Variants in A1CF observed in about 807,000 individuals in gnomAD.
A1CF encodes APOBEC1 complementation factor.
In A1CF, 48 loss-of-function variants were observed where a neutral mutation model predicts 68.9. The observed-to-expected ratio is 0.70, with a 90% CI of 0.55 to 0.89. The LOEUF is 0.89. A1CF is among the 40% of genes least tolerant of loss of function. A1CF has a pLI of 0.00. For synonymous variants in A1CF, 272 were observed against 260.4 expected (o/e 1.04, Z -0.43); for missense variants, 653 against 718.9 (o/e 0.91, Z 1.05).
chr10:50,846,417 G>T (rs1840003817), intron 3 of A1CF, among the ~76,000 whole-genome samples: 2 of 152,038 alleles, frequency 1.3e-5, no homozygotes. Context: ...CCTTCTCCCT[G>T]GGCAAACTCT....
chr10:50,824,813 A>C (rs1838842768), intron 7 of A1CF, among the ~76,000 whole-genome samples: 1 of 152,184 alleles, frequency 6.6e-6, no homozygotes, highest in Non-Finnish European at 1.5e-5. Context: ...CAAACTACTT[A>C]ACTACTCTGG....
At chr10:50,840,446 A>G (rs923260883) in intron 5 of A1CF, among the ~76,000 whole-genome samples, 2 of 152,224 alleles carry the variant, frequency 1.3e-5, no homozygotes. Context: ...CAAATGAAGC[A>G]TGGCTGACTC....
At chr10:50,844,861 C>T (rs1839928900) in intron 3 of A1CF, among the ~76,000 whole-genome samples, 1 of 152,072 alleles carries the variant, frequency 6.6e-6, no homozygotes, top group Admixed American at 6.6e-5. Flanking sequence ...AAATACACTG[C>T]TTTGTATGAC....
chr10:50,871,347 TA>T (rs917635760), intron 1 of A1CF, among the ~76,000 whole-genome samples: 3 of 151,854 alleles, frequency 2.0e-5, no homozygotes, highest in East Asian at 1.9e-4. Context: ...AAAACCTATA[TA>T]AAAAAATGAT....
chr10:50,822,627 C>G (rs986851590), intron 7 of A1CF: 2 of 152,130 alleles, frequency 1.3e-5, no homozygotes, highest in African/African-American at 4.8e-5. Context: ...CTTCTTATGG[C>G]AATGGTTATA....
At position 50,799,954 on chromosome 10, in the gene A1CF, A is replaced by G. The variant is rs1237568256; in HGVS notation, c.*6775T>C. 8.5e-5 allele frequency: 13 copies of G among 152,164 alleles called. No individual in the cohort carries two copies. Among genetic ancestry groups the G allele is most frequent in the Non-Finnish European group, 1.5e-5 (1 of 67,990 alleles). 9.4% of individuals were successfully genotyped at this position (152,164 alleles called of 1,614,324 possible). Reference sequence around the variant, plus strand: ...CAGTGATAATGATGAATTGATTTAAATAGATTTATCTGTAGTCTGTGTGCC... The same window carrying G: ...CAGTGATAATGATGAATTGATTTAAGTAGATTTATCTGTAGTCTGTGTGCC... On this transcript the variant is annotated 3_prime_UTR_variant, in exon 13 of 13. Coordinates refer to ENST00000373997, the MANE Select transcript of A1CF (RefSeq NM_014576.4).
chr10:50,815,819 C>T (rs2132335878), intron 9 of A1CF, among the ~76,000 whole-genome samples, 187 bp downstream of exon 9: 1 of 152,234 alleles, frequency 6.6e-6, no homozygotes, highest in Non-Finnish European at 1.5e-5. Flanking sequence ...GACGTTTTTT[C>T]AATAACCAGT....
In A1CF at chr10:50,820,750, T is replaced by A. The variant is rs565622119; in HGVS notation, c.770-101A>T. On this transcript the variant is annotated intron_variant, in intron 7 of 12. Coordinates refer to ENST00000373997, the MANE Select transcript of A1CF (RefSeq NM_014576.4). ...TGCAAAGAGTATTTGATTTTTTTTA[T>A]GGATACCTCATATTTAAGTAAGGAT... 8.4e-6 allele frequency: 7 copies of A among 834,768 alleles called. No homozygotes were observed. In the South Asian group the frequency reaches 1.4e-4, roughly 17 times the overall value. 51.7% of individuals were successfully genotyped at this position (834,768 alleles called of 1,614,324 possible).
chr10:50,820,443 T>C (rs940989581), intron 8 of A1CF, 109 bp downstream of exon 8: 8 of 821,040 alleles, frequency 9.7e-6, no homozygotes, highest in Non-Finnish European at 1.5e-5. Context: ...GAGGCAGCCA[T>C]GTCAGAGAAG....
Position 50,806,668 on chromosome 10 carries a change from A to AT in A1CF, c.*60dup. ...TCATTGGGGACCGAGTTAGAGGTTT[A>AT]TTTCTTTTTTTTTTTTAATAGAGTT... is the stretch of plus-strand genomic sequence containing the variant. On this transcript the variant is annotated 3_prime_UTR_variant, in exon 13 of 13. Transcript: ENST00000373997. 7.1e-7 allele frequency: 1 copy of AT among 1,416,464 alleles called. No individual in the cohort carries two copies. Among genetic ancestry groups the AT allele is most frequent in the Non-Finnish European group, 9.5e-7 (1 of 1,050,750 alleles). The allele number at this position is 1,416,464 out of a possible 1,614,324, so 87.7% of individuals were successfully genotyped here.
chr10:50,867,563 G>A (rs1841050904), intron 1 of A1CF, among the ~76,000 whole-genome samples: 1 of 152,120 alleles, frequency 6.6e-6, no homozygotes, highest in African/African-American at 2.4e-5. Flanking sequence ...GGTGGATGAT[G>A]AGGGATTCCT....
intron 1 of A1CF, among the ~76,000 whole-genome samples, chr10:50,884,061 A>G (rs1841899040): frequency 6.6e-6 from 1 of 152,240 alleles, no homozygotes; most frequent in East Asian, 1.9e-4. Context: ...TGTGGTAACA[A>G]AACCTGCTAT....
intron 1 of A1CF, among the ~76,000 whole-genome samples, chr10:50,869,795 G>T (rs966260623): frequency 2.0e-5 from 3 of 152,008 alleles, no homozygotes; most frequent in Non-Finnish European, 4.4e-5. Flanking sequence ...ATTCAAATAT[G>T]CTTTGATTAC....
At position 50,851,942 on chromosome 10, in the gene A1CF, T is replaced by C. The variant is rs376675846; in HGVS notation, c.100-7820A>G. Among the ~76,000 whole-genome samples, 53 of 152,350 alleles carry C rather than the reference T, an allele frequency of 3.5e-4. 2 individuals are homozygous for C. In the South Asian group the frequency reaches 9.9e-3, roughly 29 times the overall value. ...CTTTGCCTAGCTTGTTTGAAAGCTG[T>C]CTTTTGCATCTCATAATGCTAAGCT... is the stretch of plus-strand genomic sequence containing the variant. On this transcript the variant is annotated intron_variant, in intron 3 of 12. Transcript: ENST00000373997.
At chr10:50,853,193 C>G (rs1057347505) in intron 3 of A1CF, among the ~76,000 whole-genome samples, 3 of 152,130 alleles carry the variant, frequency 2.0e-5, no homozygotes, top group Admixed American at 6.6e-5. Context: ...AAGATGAAAT[C>G]CACCGACTTA....
In A1CF at chr10:50,804,821, C is replaced by T. The variant is rs946053598; in HGVS notation, c.*1908G>A. On this transcript the variant is annotated 3_prime_UTR_variant, in exon 13 of 13. Transcript: ENST00000373997. ...GTATAAATACAAGAATATAGCAATT[C>T]CCAAACCTAGGTGCACATTGAAATC... 1.3e-5 allele frequency: 2 copies of T among 152,028 alleles called. No individual in the cohort carries two copies. Among genetic ancestry groups the T allele is most frequent in the African/African-American group, 2.4e-5 (1 of 41,406 alleles). 9.4% of individuals were successfully genotyped at this position (152,028 alleles called of 1,614,324 possible).
At chr10:50,840,593 T>C (rs1444671426) in intron 5 of A1CF, among the ~76,000 whole-genome samples, 1 of 152,220 alleles carries the variant, frequency 6.6e-6, no homozygotes, top group Non-Finnish European at 1.5e-5. Flanking sequence ...GTCAGTTTTA[T>C]TTCCAGTTTA....
intron 1 of A1CF, among the ~76,000 whole-genome samples, chr10:50,870,033 A>G (rs1841175268): frequency 1.3e-5 from 2 of 151,908 alleles, no homozygotes; most frequent in Admixed American, 6.6e-5. Context: ...TAATTAATAC[A>G]TAATAGATTT....
At chr10:50,860,705 G>A (rs4465325) in intron 2 of A1CF, among the ~76,000 whole-genome samples, 146,422 of 152,252 alleles carry the variant, frequency 0.96, 70,671 homozygotes, top group East Asian at 1. Flanking sequence ...AGATATAAAT[G>A]TATAATTTCA....
Sources: allele counts gnomAD v4.1 joint callset (sites outside exome capture counted in the v4.1 genomes callset), GRCh38; gene constraint gnomAD v4.1.1; transcripts MANE v1.5; gene names NCBI Gene and HGNC (gene_info 2026-07-23, HGNC 2026-07-21).